The following PTGER3 variants were observed in gnomAD, a reference collection of about 807,000 sequenced individuals.
PTGER3 encodes the protein prostaglandin E2 receptor EP3 subtype.
Under a neutral mutation model 34.7 loss-of-function variants are expected in PTGER3, and 22 were observed. The ratio of observed to expected loss-of-function variants is 0.63; its 90% CI spans 0.45 to 0.91. The LOEUF is 0.91. Ranked by LOEUF, PTGER3 falls within the 40% of genes least tolerant of loss-of-function variation. PTGER3 has a pLI of 0.00. For synonymous variants in PTGER3, 241 were observed against 230.1 expected (o/e 1.05, Z -0.43); for missense variants, 468 against 519.4 (o/e 0.90, Z 0.96).
chr1:70,912,953 CT>C (rs377244562), intron 4 of PTGER3, among the ~76,000 whole-genome samples: 1 of 151,906 alleles, frequency 6.6e-6, no homozygotes, highest in African/African-American at 2.4e-5. Flanking sequence ...AATTTGGCCT[CT>C]TTTTCGAAAA....
chr1:71,003,193 G>T (rs1354860784), intron 2 of PTGER3, among the ~76,000 whole-genome samples: 1 of 152,148 alleles, frequency 6.6e-6, no homozygotes, highest in African/African-American at 2.4e-5. Context: ...TTGTAAGACG[G>T]TCTGTGACTG....
chr1:70,918,054 A>G (rs1393596269), intron 4 of PTGER3, among the ~76,000 whole-genome samples: 1 of 152,020 alleles, frequency 6.6e-6, no homozygotes, highest in Non-Finnish European at 1.5e-5. Flanking sequence ...CACATAGACC[A>G]ATGGAACAGA....
intron 2 of PTGER3, chr1:71,006,912 C>T: frequency 1.0e-6 from 1 of 985,410 alleles, no homozygotes; most frequent in Non-Finnish European, 1.2e-6. Context: ...AAATAACACA[C>T]ATTTATTAAA....
At chr1:70,983,468 A>G (rs1654594549) in intron 2 of PTGER3, among the ~76,000 whole-genome samples, 1 of 152,100 alleles carries the variant, frequency 6.6e-6, no homozygotes, top group African/African-American at 2.4e-5. Flanking sequence ...CTCATTAAAT[A>G]TTTAGCGAAT....
intron 2 of PTGER3, among the ~76,000 whole-genome samples, chr1:70,991,304 T>A (rs1655456848): frequency 6.6e-6 from 1 of 152,196 alleles, no homozygotes; most frequent in Non-Finnish European, 1.5e-5. Flanking sequence ...GAAACCCTAC[T>A]CACTCTCTGC....
intron 4 of PTGER3, among the ~76,000 whole-genome samples, chr1:70,890,749 C>T (rs1646599494): frequency 6.6e-6 from 1 of 152,164 alleles, no homozygotes; most frequent in African/African-American, 2.4e-5. Context: ...TGGTTTTTAT[C>T]ATGTTTATAT....
intron 1 of PTGER3, among the ~76,000 whole-genome samples, chr1:71,043,167 T>C (rs1346011365): frequency 6.6e-6 from 1 of 152,164 alleles, no homozygotes; most frequent in Non-Finnish European, 1.5e-5. Context: ...TCATAAAATA[T>C]AAAACATAAA....
chr1:70,869,196 G>A (rs1270656246), intron 4 of PTGER3: 2 of 449,600 alleles, frequency 4.4e-6, no homozygotes, highest in South Asian at 1.6e-5. Context: ...TCGGGGCAGG[G>A]GTGGTATCAC....
At chr1:70,918,098 A>C (rs2100427150) in intron 4 of PTGER3, among the ~76,000 whole-genome samples, 1 of 152,144 alleles carries the variant, frequency 6.6e-6, no homozygotes, top group South Asian at 2.1e-4. Flanking sequence ...ATGCATTTAC[A>C]GCCAACTGAT....
intron 1 of PTGER3, among the ~76,000 whole-genome samples, chr1:71,026,577 C>T (rs1006418247): frequency 3.3e-5 from 5 of 151,708 alleles, no homozygotes; most frequent in African/African-American, 4.8e-5. Context: ...GTTCATCTTC[C>T]GTGTTTACCC....
At chr1:70,915,992 C>T (rs1647167221) in intron 4 of PTGER3, among the ~76,000 whole-genome samples, 1 of 151,822 alleles carries the variant, frequency 6.6e-6, no homozygotes, top group Admixed American at 6.6e-5. Flanking sequence ...GTACATCTAA[C>T]TAAGGTCTAA....
chr1:70,965,680 C>T (rs772906916), intron 2 of PTGER3, among the ~76,000 whole-genome samples: 5 of 152,200 alleles, frequency 3.3e-5, no homozygotes, highest in Non-Finnish European at 7.3e-5. Context: ...ACCACCACAA[C>T]AAGCAGCAAG....
chr1:70,979,281 G>T (rs964235905), intron 2 of PTGER3, among the ~76,000 whole-genome samples: 8 of 150,902 alleles, frequency 5.3e-5, no homozygotes, highest in African/African-American at 2.0e-4. Context: ...TAAGTGAGTA[G>T]ATATTATTTC....
downstream of PTGER3, among the ~76,000 whole-genome samples, chr1:70,950,017 G>A (rs535611457): frequency 1.3e-5 from 2 of 152,264 alleles, no homozygotes; most frequent in East Asian, 1.9e-4. Flanking sequence ...AAAGTCCAGA[G>A]GCAAATTCCC....
chr1:70,895,757 C>T (rs1285945289), intron 4 of PTGER3, among the ~76,000 whole-genome samples: 3 of 152,172 alleles, frequency 2.0e-5, no homozygotes, highest in African/African-American at 7.2e-5. Context: ...GTTAAGGTAA[C>T]AGCATAAGCT....
intron 1 of PTGER3, among the ~76,000 whole-genome samples, chr1:71,033,057 A>G (rs1211898998): frequency 2.6e-5 from 4 of 152,116 alleles, no homozygotes; most frequent in South Asian, 2.1e-4. Flanking sequence ...AAAGGAAATA[A>G]CATCTATTAG....
chr1:70,876,355 T>C (rs1405148036), intron 4 of PTGER3, among the ~76,000 whole-genome samples: 1 of 151,602 alleles, frequency 6.6e-6, no homozygotes, highest in Non-Finnish European at 1.5e-5. Context: ...GTTAGATGTG[T>C]AGTTTGCAAA....
chr1:70,867,152 C>CCTCTTCTG (rs936272458), intron 4 of PTGER3, among the ~76,000 whole-genome samples: 22 of 152,252 alleles, frequency 1.4e-4, no homozygotes, highest in Non-Finnish European at 2.9e-4. Flanking sequence ...TAGGCTGTTT[C>CCTCTTCTG]CTCTTCTGCA....
intron 4 of PTGER3, among the ~76,000 whole-genome samples, chr1:70,871,239 A>G (rs1646156188): frequency 6.6e-6 from 1 of 152,156 alleles, no homozygotes; most frequent in Non-Finnish European, 1.5e-5. Context: ...TCACATAACA[A>G]AAGCAAGAGC....
Sources: gnomAD v4.1 joint callset for allele counts (sites outside exome capture counted in the v4.1 genomes callset) on GRCh38, gnomAD v4.1.1 for gene constraint, MANE v1.5 for transcripts, NCBI Gene and HGNC (gene_info 2026-07-23, HGNC 2026-07-21) for gene names.